The following RPUSD3 variants were observed in gnomAD, a reference collection of about 807,000 sequenced individuals.
RPUSD3 encodes mitochondrial mRNA pseudouridine synthase RPUSD3.
In RPUSD3, 36 loss-of-function variants were observed where a neutral mutation model predicts 35.1. That is an observed-to-expected ratio of 1.02 (90% confidence interval 0.79 to 1.35). The LOEUF is 1.35. RPUSD3 is among the 40% of genes most tolerant of loss of function. The pLI, the probability that RPUSD3 is intolerant of heterozygous loss-of-function variation, is 0.00. For missense variants in RPUSD3, 486 were observed against 441.9 expected (o/e 1.10, Z -0.89); for synonymous variants, 202 against 187.8 (o/e 1.08, Z -0.62).
At chr3:9,842,853 C>G (rs539810764) in intron 2 of RPUSD3, 6 of 154,796 alleles carry the variant, frequency 3.9e-5, no homozygotes, top group African/African-American at 1.4e-4. Context: ...ATGTCTGACT[C>G]CAAAGCCTGT....
intron 2 of RPUSD3, 34 bp downstream of exon 2, chr3:9,843,431 C>G: frequency 6.2e-7 from 1 of 1,612,012 alleles, no homozygotes; most frequent in Non-Finnish European, 8.5e-7. Context: ...AGTCCCCTCC[C>G]GGTCCTTGTG....
chr3:9,843,069 T>A (rs1575432307), intron 2 of RPUSD3: 1 of 175,404 alleles, frequency 5.7e-6, no homozygotes, highest in East Asian at 1.5e-4. Flanking sequence ...TTTTTGTGTT[T>A]TTAGTAGAGA....
intron 7 of RPUSD3, chr3:9,839,962 C>T (rs2082079034): frequency 4.4e-6 from 2 of 450,508 alleles, no homozygotes; most frequent in African/African-American, 2.0e-5. Flanking sequence ...CTCATTGCAA[C>T]TTCTGCCTCC....
At chr3:9,840,358 A>G (rs2082084863) in intron 6 of RPUSD3, 51 bp from the exon 7 acceptor site, 1 of 1,613,550 alleles carries the variant, frequency 6.2e-7, no homozygotes, top group Non-Finnish European at 8.5e-7. Context: ...TGGGAGCTAT[A>G]CCCAGACCCT....
Position 9,839,179 on chromosome 3 carries a change from A to G in RPUSD3, c.725-8T>C. On this transcript the variant is annotated splice_region_variant and splice_polypyrimidine_tract_variant and intron_variant, in intron 7 of 8. Transcript: ENST00000383820. ...GTAGTTGACTGGAGAACACTGGGCA[A>G]CAGGAAAGCCAGGAGAGACAGTGGG... 1 of 1,603,408 alleles carries G rather than the reference A, an allele frequency of 6.2e-7. No homozygotes were observed.
intron 2 of RPUSD3, 76 bp downstream of exon 2, chr3:9,843,389 C>T: frequency 6.3e-7 from 1 of 1,588,774 alleles, no homozygotes; most frequent in Non-Finnish European, 8.6e-7. Context: ...GATCCCGTGG[C>T]TTCAATGGAG....
intron 8 of RPUSD3, among the ~76,000 whole-genome samples, chr3:9,838,479 T>C (rs2082057123): frequency 6.6e-6 from 1 of 152,066 alleles, no homozygotes; most frequent in South Asian, 2.1e-4. Context: ...GAGACGTGAG[T>C]GAGCTCTAGC....
intron 4 of RPUSD3, 34 bp from the exon 5 acceptor site, chr3:9,840,839 T>C: frequency 6.5e-7 from 1 of 1,530,850 alleles, no homozygotes; most frequent in South Asian, 1.1e-5. Flanking sequence ...CAAGTTAAAG[T>C]CCCTTGAACT....
At chr3:9,841,689 G>A (rs1015506797) in intron 4 of RPUSD3, 1 of 245,676 alleles carries the variant, frequency 4.1e-6, no homozygotes, top group Non-Finnish European at 7.9e-6. Context: ...GGCTGGTCTC[G>A]AACTCCTGGG....
intron 6 of RPUSD3, 24 bp from the exon 7 acceptor site, chr3:9,840,331 C>G: frequency 6.2e-7 from 1 of 1,614,128 alleles, no homozygotes; most frequent in Non-Finnish European, 8.5e-7. Context: ...CAAGAGTGAA[C>G]AAGCCTTACA....
At chr3:9,843,668 A>G in intron 1 of RPUSD3, 67 bp from the exon 2 acceptor site, 1 of 1,580,588 alleles carries the variant, frequency 6.3e-7, no homozygotes, top group Non-Finnish European at 8.6e-7. Context: ...CTATCTCCGG[A>G]CGCCTCTTCC....
intron 7 of RPUSD3, 49 bp downstream of exon 7, chr3:9,840,135 C>T: frequency 1.3e-6 from 2 of 1,587,260 alleles, no homozygotes; most frequent in Non-Finnish European, 1.7e-6. Context: ...CTGCCTCAGC[C>T]TCCCAAATCA....
chr3:9,842,432 T>C, intron 2 of RPUSD3, 189 bp from the exon 3 acceptor site: 1 of 631,684 alleles, frequency 1.6e-6, no homozygotes, highest in East Asian at 2.8e-5. Flanking sequence ...CCTCGGCACT[T>C]GCTGTTTCCT....
At position 9,843,738 on chromosome 3, in the gene RPUSD3, G is replaced by A. The variant is rs573210726; in HGVS notation, c.126-137C>T. ...GTCTGGGCTGACCTCGAAAATTCAG[G>A]TACGACCGGTCCCATTCTACAGCGG... On this transcript the variant is annotated intron_variant, in intron 1 of 8. Transcript: ENST00000383820. 3 of 1,541,622 alleles carry A rather than the reference G, an allele frequency of 1.9e-6. No individual in the cohort carries two copies. In the East Asian group the frequency reaches 7.3e-5, roughly 38 times the overall value.
intron 2 of RPUSD3, 178 bp from the exon 3 acceptor site, chr3:9,842,421 G>T: frequency 3.0e-6 from 2 of 658,280 alleles, no homozygotes; most frequent in South Asian, 1.7e-5. Flanking sequence ...CCACCTCAGA[G>T]CCTCGGCACT....
chr3:9,843,995 C>T (rs144970409), exon 1 of RPUSD3: 5 of 1,593,160 alleles, frequency 3.1e-6, no homozygotes, highest in Non-Finnish European at 4.3e-6. Flanking sequence ...GTCCATCTCC[C>T]GAGCCAGGAC....
At chr3:9,838,087 C>T (rs1366544728) in exon 9 of RPUSD3, 3 of 1,612,168 alleles carry the variant, frequency 1.9e-6, no homozygotes, top group Admixed American at 3.3e-5. Flanking sequence ...AGGAGCTCAA[C>T]AGGGGTGTCC....
chr3:9,842,703 G>A (rs1196050654), intron 2 of RPUSD3: 1 of 191,854 alleles, frequency 5.2e-6, no homozygotes, highest in Non-Finnish European at 1.1e-5. Flanking sequence ...TGTATAGCCT[G>A]CCTAGAACAG....
At chr3:9,838,067 C>T in exon 9 of RPUSD3, 1 of 1,607,672 alleles carries the variant, frequency 6.2e-7, no homozygotes, top group Non-Finnish European at 8.5e-7. Flanking sequence ...AATAAGGGGG[C>T]AGTGGTGCCA....
Sources: gnomAD v4.1 joint callset for allele counts (sites outside exome capture counted in the v4.1 genomes callset) on GRCh38, gnomAD v4.1.1 for gene constraint, MANE v1.5 for transcripts, NCBI Gene and HGNC (gene_info 2026-07-23, HGNC 2026-07-21) for gene names.